Variants in ZDHHC20 observed in about 807,000 individuals in gnomAD.
The protein encoded by ZDHHC20 is zDHHC palmitoyltransferase 20, also known as palmitoyltransferase ZDHHC20.
Under a neutral mutation model 57.8 loss-of-function variants are expected in ZDHHC20, and 43 were observed. The ratio of observed to expected loss-of-function variants is 0.74; its 90% CI spans 0.58 to 0.96. ZDHHC20 has a LOEUF of 0.96. ZDHHC20 is among the 40% of genes least tolerant of loss of function. ZDHHC20 has a pLI of 0.00. For synonymous variants in ZDHHC20, 157 were observed against 153.0 expected, an observed-to-expected ratio of 1.03 and a Z score of -0.19; for missense variants, 391 against 441.1, an observed-to-expected ratio of 0.89 and a Z score of 1.02.
rs537855433 is a variant in ZDHHC20 at position 21,385,995 on chromosome 13, C to G, written c.854+1513G>C. Among the ~76,000 whole-genome samples the G allele has an allele frequency of 1.1e-4, 17 of 152,244 alleles. No homozygotes were observed. The East Asian group carries it at 3.1e-3, about 28-fold the overall frequency. On this transcript the variant is annotated intron_variant, in intron 9 of 12. Transcript: ENST00000400590. ...ACAAAAAACAACAACAAAATCCTAT[C>G]GACTTAGAATTCACTGTTTACAGAA...
chr13:21,441,099 G>C (rs1883101715), intron 1 of ZDHHC20, among the ~76,000 whole-genome samples: 1 of 151,984 alleles, frequency 6.6e-6, no homozygotes, highest in African/African-American at 2.4e-5. Context: ...TTTTCCATAA[G>C]ACCTCTGGTA....
chr13:21,422,653 A>C (rs1458392340), intron 2 of ZDHHC20, among the ~76,000 whole-genome samples: 2 of 152,174 alleles, frequency 1.3e-5, no homozygotes, highest in Admixed American at 6.5e-5. Context: ...ATTTTTCAAT[A>C]ATTTCAATAA....
intron 4 of ZDHHC20, among the ~76,000 whole-genome samples, chr13:21,410,637 C>T (rs1879068053): frequency 6.6e-6 from 1 of 152,220 alleles, no homozygotes; most frequent in Non-Finnish European, 1.5e-5. Context: ...GTGGGAACTT[C>T]CTGGCGGCTT....
intron 7 of ZDHHC20, among the ~76,000 whole-genome samples, chr13:21,396,418 A>AT (rs772543003): frequency 4.0e-4 from 61 of 152,360 alleles, no homozygotes; most frequent in African/African-American, 1.4e-3. Flanking sequence ...AAATAGGACA[A>AT]TATCTGTATA....
chr13:21,379,449 T>A (rs1295774341), intron 11 of ZDHHC20, among the ~76,000 whole-genome samples: 1 of 151,824 alleles, frequency 6.6e-6, no homozygotes, highest in Non-Finnish European at 1.5e-5. Flanking sequence ...GCCTAGAAAA[T>A]TTTTTTCCCA....
chr13:21,408,445 T>C (rs1481754563), intron 4 of ZDHHC20, among the ~76,000 whole-genome samples: 1 of 152,208 alleles, frequency 6.6e-6, no homozygotes, highest in East Asian at 1.9e-4. Context: ...GGAATGCTTG[T>C]GATTTTTGCG....
chr13:21,445,270 G>T (rs1488097316), intron 1 of ZDHHC20, among the ~76,000 whole-genome samples: 2 of 152,110 alleles, frequency 1.3e-5, no homozygotes, highest in African/African-American at 4.8e-5. Context: ...AAAACTTACA[G>T]AGTTACACAG....
At chr13:21,426,294 C>T (rs1881238794) in intron 1 of ZDHHC20, among the ~76,000 whole-genome samples, 19 of 152,102 alleles carry the variant, frequency 1.2e-4, no homozygotes, top group Admixed American at 1.2e-3. Flanking sequence ...ACCCTGTGAA[C>T]TGCTATTTAC....
chr13:21,455,711 G>A (rs1366800662), intron 1 of ZDHHC20, among the ~76,000 whole-genome samples: 4 of 151,894 alleles, frequency 2.6e-5, no homozygotes, highest in Non-Finnish European at 5.9e-5. Context: ...GGGTAAGATG[G>A]AATGAGGGCC....
chr13:21,383,866 C>A (rs1873939918), intron 9 of ZDHHC20, among the ~76,000 whole-genome samples: 1 of 151,952 alleles, frequency 6.6e-6, no homozygotes, highest in African/African-American at 2.4e-5. Flanking sequence ...CATACTTATG[C>A]CTTATTTTCA....
chr13:21,451,723 C>T (rs113866776), intron 1 of ZDHHC20, among the ~76,000 whole-genome samples: 1 of 152,052 alleles, frequency 6.6e-6, no homozygotes, highest in Admixed American at 6.6e-5. Context: ...GGCACGGTGG[C>T]TCAAACCTGA....
chr13:21,392,726 G>A (rs1350569709), intron 7 of ZDHHC20, among the ~76,000 whole-genome samples: 2 of 152,266 alleles, frequency 1.3e-5, no homozygotes, highest in Admixed American at 6.5e-5. Context: ...ACCAGAACAC[G>A]AGGCTGTTCT....
chr13:21,446,854 A>T (rs118032349), intron 1 of ZDHHC20, among the ~76,000 whole-genome samples: 242 of 152,264 alleles, frequency 1.6e-3, no homozygotes, highest in South Asian at 7.3e-3. Context: ...TAGAAAATAG[A>T]TTTCTTAAGC....
intron 1 of ZDHHC20, among the ~76,000 whole-genome samples, 170 bp downstream of exon 1, chr13:21,458,884 T>C (rs932694487): frequency 2.6e-4 from 40 of 152,130 alleles, no homozygotes; most frequent in African/African-American, 8.9e-4. Context: ...CGCCGCAGGA[T>C]TGAACAAAGC....
intron 1 of ZDHHC20, among the ~76,000 whole-genome samples, chr13:21,438,499 TG>T (rs1882784766): frequency 6.6e-6 from 1 of 152,184 alleles, no homozygotes; most frequent in Non-Finnish European, 1.5e-5. Context: ...CCTGAAGATG[TG>T]ATGGAATTGC....
intron 9 of ZDHHC20, among the ~76,000 whole-genome samples, chr13:21,386,333 A>C (rs1874480548): frequency 6.6e-6 from 1 of 152,180 alleles, no homozygotes; most frequent in Non-Finnish European, 1.5e-5. Context: ...AATTTGATTA[A>C]AGCTCTAAAA....
intron 1 of ZDHHC20, among the ~76,000 whole-genome samples, chr13:21,430,512 AG>A (rs201490960): frequency 1.2e-4 from 18 of 151,802 alleles, no homozygotes; most frequent in African/African-American, 4.4e-4. Context: ...GAGACACAGG[AG>A]GGGGGTCTTG....
At chr13:21,449,262 G>A (rs1884205034) in intron 1 of ZDHHC20, among the ~76,000 whole-genome samples, 2 of 152,128 alleles carry the variant, frequency 1.3e-5, no homozygotes, top group Admixed American at 1.3e-4. Context: ...AACAACCACT[G>A]TTCATTATTT....
chr13:21,441,547 G>C (rs1883164419), intron 1 of ZDHHC20, among the ~76,000 whole-genome samples: 1 of 112,324 alleles, frequency 8.9e-6, no homozygotes, highest in South Asian at 3.1e-4. Flanking sequence ...CACCACGCCC[G>C]GCTTTTTTTT....
Sources: allele counts gnomAD v4.1 joint callset (sites outside exome capture counted in the v4.1 genomes callset), GRCh38; gene constraint gnomAD v4.1.1; transcripts MANE v1.5; gene names NCBI Gene and HGNC (gene_info 2026-07-23, HGNC 2026-07-21).